The following WASF1 variants were observed in gnomAD, a reference collection of about 807,000 sequenced individuals.
WASF1 encodes the protein WASP family member 1, also known as actin-binding protein WASF1.
Under a neutral mutation model 50.5 loss-of-function variants are expected in WASF1, and 7 were observed. The observed-to-expected ratio is 0.14, with a 90% CI of 0.08 to 0.26. The LOEUF (loss-of-function observed/expected upper bound fraction) is 0.26, where lower values mean the gene tolerates loss of function less well. Among genes scored for constraint, WASF1 ranks in the 10% least tolerant of loss-of-function variants. WASF1 has a pLI of 1.00. For synonymous variants in WASF1, 205 were observed against 244.0 expected (o/e 0.84, Z 1.49); for missense variants, 470 against 694.7 (o/e 0.68, Z 3.64).
At chr6:110,173,027 T>A in intron 2 of WASF1, among the ~76,000 whole-genome samples, 1 of 152,148 alleles carries the variant, frequency 6.6e-6, no homozygotes, top group South Asian at 2.1e-4. Flanking sequence ...TGGCATAACC[T>A]GTAGCACATG....
In WASF1 at chr6:110,107,061, T is replaced by C. The variant is rs917672830; in HGVS notation, c.540+16A>G. On this transcript the variant is annotated intron_variant, in intron 7 of 10. Coordinates refer to ENST00000392589, the MANE Select transcript of WASF1 (RefSeq NM_003931.3). ...TATACAAAAATTAACCTCAATTTTT[T>C]AATCTCTTGTAATACCTTCTGCTTC... The C allele has an allele frequency of 6.5e-7, 1 of 1,550,182 alleles. No homozygotes were observed. The highest frequency in any genetic ancestry group is 1.4e-5 in the African/African-American group (1 of 72,526).
At chr6:110,169,387 CA>C (rs1776600195) in intron 2 of WASF1, among the ~76,000 whole-genome samples, 1 of 152,148 alleles carries the variant, frequency 6.6e-6, no homozygotes, top group Non-Finnish European at 1.5e-5. Context: ...TTTCTAGTAA[CA>C]GCACCAAATC....
chr6:110,162,486 A>G (rs565974434), intron 2 of WASF1, among the ~76,000 whole-genome samples: 1 of 151,224 alleles, frequency 6.6e-6, no homozygotes, highest in Non-Finnish European at 1.5e-5. Context: ...AATATCTCTC[A>G]TTAACAAAAA....
rs115499552 is a variant in WASF1 at position 110,137,640 on chromosome 6, T to C, written c.-28-10011A>G. ...TGACGAAAGGACCCCAGGGAAGACC[T>C]CTTCCTTCTTCACTGCTGATTTTCA... On this transcript the variant is annotated intron_variant, in intron 3 of 10. Transcript: ENST00000392589. 5.2e-3 allele frequency among the ~76,000 whole-genome samples: 796 copies of C among 152,320 alleles called. 9 individuals carry two copies. Among genetic ancestry groups the C allele is most frequent in the African/African-American group, 0.019 (775 of 41,562 alleles).
chr6:110,107,817 T>A (rs6915379), intron 6 of WASF1, among the ~76,000 whole-genome samples: 42,120 of 152,030 alleles, frequency 0.28, 8,380 homozygotes, highest in African/African-American at 0.57. Context: ...AAGCATTTTA[T>A]AAAGGTACTA....
intron 7 of WASF1, 61 bp from the exon 8 acceptor site, chr6:110,105,640 T>A: frequency 6.6e-7 from 1 of 1,508,362 alleles, no homozygotes; most frequent in Non-Finnish European, 9.1e-7. Context: ...AAAAGGAGGT[T>A]ATAACAATCA....
At chr6:110,145,442 GCC>G (rs1403122343) in intron 3 of WASF1, among the ~76,000 whole-genome samples, 1 of 152,106 alleles carries the variant, frequency 6.6e-6, no homozygotes, top group Non-Finnish European at 1.5e-5. Flanking sequence ...CTAATTGAAT[GCC>G]CTTTATTCCC....
At chr6:110,132,096 G>A (rs1348431413) in intron 3 of WASF1, among the ~76,000 whole-genome samples, 2 of 152,040 alleles carry the variant, frequency 1.3e-5, no homozygotes, top group African/African-American at 4.8e-5. Context: ...GTTTTCTAAA[G>A]AGAAGTCTTA....
intron 4 of WASF1, among the ~76,000 whole-genome samples, chr6:110,116,333 C>T (rs1485647729): frequency 2.6e-5 from 4 of 152,156 alleles, no homozygotes; most frequent in African/African-American, 9.7e-5. Flanking sequence ...TGATCAAATA[C>T]TATATGCTTT....
chr6:110,142,708 T>C (rs994972026), intron 3 of WASF1, among the ~76,000 whole-genome samples: 1 of 150,226 alleles, frequency 6.7e-6, no homozygotes, highest in African/African-American at 2.5e-5. Flanking sequence ...CAAATTCATC[T>C]CAGTATTTTT....
chr6:110,134,211 C>T (rs984288168), intron 3 of WASF1, among the ~76,000 whole-genome samples: 2 of 152,056 alleles, frequency 1.3e-5, no homozygotes, highest in African/African-American at 4.8e-5. Context: ...TGCCACCATG[C>T]TTGGCCTTGG....
chr6:110,128,623 C>G (rs2114519042), intron 3 of WASF1, among the ~76,000 whole-genome samples: 1 of 152,340 alleles, frequency 6.6e-6, no homozygotes, highest in African/African-American at 2.4e-5. Context: ...CAACACTGCC[C>G]AACACCATGA....
chr6:110,168,420 TATG>T (rs1165915246), intron 2 of WASF1, among the ~76,000 whole-genome samples: 1 of 152,114 alleles, frequency 6.6e-6, no homozygotes, highest in Admixed American at 6.6e-5. Flanking sequence ...TGGTGATTTT[TATG>T]ATGTTAACAC....
At chr6:110,125,274 G>C (rs1175242659) in intron 4 of WASF1, among the ~76,000 whole-genome samples, 1 of 152,166 alleles carries the variant, frequency 6.6e-6, no homozygotes, top group Non-Finnish European at 1.5e-5. Context: ...TCCTAGGCCA[G>C]AAAACAGCCT....
chr6:110,100,928 T>C (rs1192026509), intron 10 of WASF1, among the ~76,000 whole-genome samples: 3 of 152,204 alleles, frequency 2.0e-5, no homozygotes, highest in Non-Finnish European at 4.4e-5. Flanking sequence ...TGGTCTACTA[T>C]ACCTCCCTGC....
At chr6:110,112,946 C>T (rs1257172527) in intron 5 of WASF1, among the ~76,000 whole-genome samples, 1 of 143,236 alleles carries the variant, frequency 7.0e-6, no homozygotes, top group Non-Finnish European at 1.5e-5. Context: ...TAGAATCAAA[C>T]CTAAAGATTT....
chr6:110,112,895 A>C (rs1400566708), intron 5 of WASF1, among the ~76,000 whole-genome samples: 3 of 115,930 alleles, frequency 2.6e-5, no homozygotes, highest in African/African-American at 1.3e-4. Flanking sequence ...TGTCTGTCTC[A>C]AAAAAAAAAA....
chr6:110,146,183 CAAACTA>C (rs1775553033), intron 3 of WASF1, among the ~76,000 whole-genome samples: 2 of 152,078 alleles, frequency 1.3e-5, no homozygotes, highest in South Asian at 4.1e-4. Flanking sequence ...AATACTTATT[CAAACTA>C]AAGGATTACA....
At position 110,158,898 on chromosome 6, in the gene WASF1, G is replaced by A. The variant is rs77093673; in HGVS notation, c.-29+1737C>T. Among the ~76,000 whole-genome samples the A allele has an allele frequency of 7.2e-3, 1,091 of 151,924 alleles. 12 individuals carry two copies. Among genetic ancestry groups the A allele is most frequent in the African/African-American group, 0.025 (1,021 of 41,478 alleles). ...AACCTTCTTGATAAACCCAGTTCAT[G>A]GTGAGTTAGTCCTTCCTCTGAATTC... is the stretch of plus-strand genomic sequence containing the variant. On this transcript the variant is annotated intron_variant, in intron 3 of 10. Transcript: ENST00000392589.
Sources: allele counts gnomAD v4.1 joint callset (sites outside exome capture counted in the v4.1 genomes callset), GRCh38; gene constraint gnomAD v4.1.1; transcripts MANE v1.5; gene names NCBI Gene and HGNC (gene_info 2026-07-23, HGNC 2026-07-21).